Variants in ANKRD36 observed in about 807,000 individuals in gnomAD.
ANKRD36 encodes the protein ankyrin repeat domain 36.
ANKRD36 carries 179 observed loss-of-function variants against 278.1 expected under a neutral mutation model. That is an observed-to-expected ratio of 0.64 (90% CI 0.57 to 0.73). The LOEUF (loss-of-function observed/expected upper bound fraction) is 0.73, where lower values mean the gene tolerates loss of function less well. Ranked by LOEUF, ANKRD36 falls within the 30% of genes least tolerant of loss-of-function variation. The pLI is 0.00. For synonymous variants in ANKRD36, 320 were observed against 641.1 expected (o/e 0.50, Z 7.57); for missense variants, 1,159 against 1,956.7 (o/e 0.59, Z 7.69).
chr2:97,220,761 C>A (rs200929945), intron 66 of ANKRD36, among the ~76,000 whole-genome samples: 11 of 70,594 alleles, frequency 1.6e-4, no homozygotes, highest in East Asian at 9.4e-4. Flanking sequence ...TTTTAATTTT[C>A]TTTTTTTTTT....
At chr2:97,116,608 T>C (rs1444699684) in intron 1 of ANKRD36, among the ~76,000 whole-genome samples, 1 of 152,074 alleles carries the variant, frequency 6.6e-6, no homozygotes. Context: ...GTATCTTCTG[T>C]GAACTTTTAG....
chr2:97,222,955 A>G (rs2068178504), intron 66 of ANKRD36, among the ~76,000 whole-genome samples: 2 of 152,114 alleles, frequency 1.3e-5, no homozygotes, highest in South Asian at 4.2e-4. Context: ...AAAAAGTTAT[A>G]GCATTCATTC....
At chr2:97,203,181 A>AGAT (rs1203656409) in intron 48 of ANKRD36, among the ~76,000 whole-genome samples, 1 of 151,776 alleles carries the variant, frequency 6.6e-6, no homozygotes, top group Non-Finnish European at 1.5e-5. Flanking sequence ...TATTTCATGA[A>AGAT]ACTTCTTTAG....
In ANKRD36 at chr2:97,191,159, G is replaced by T; in HGVS notation, c.2325G>T (p.Lys775Asn). ...DSVSNIATEI[K>N]DGEKSGTVSS... The stretch of plus-strand genomic sequence containing the variant: ...TTTCGAACATAGCCACAGAAATAAA[G>T]GATGGAGAAAAATCTGGGACAGGTA... Residue 775 changes from lysine (K) to asparagine (N), a missense_variant, in exon 36 of 76, where the codon AAG becomes AAT. By Grantham distance (94) the Lys-to-Asn change is moderately conservative (BLOSUM62 0). Transcript: ENST00000420699. 3 of 1,596,762 alleles carry T rather than the reference G, an allele frequency of 1.9e-6. No homozygotes were observed. Among genetic ancestry groups the T allele is most frequent in the Non-Finnish European group, 2.6e-6 (3 of 1,171,346 alleles).
chr2:97,197,562 C>T (rs1258519649), intron 42 of ANKRD36, among the ~76,000 whole-genome samples: 2 of 151,864 alleles, frequency 1.3e-5, no homozygotes, highest in Admixed American at 6.6e-5. Flanking sequence ...TTGGATACAA[C>T]AGCTATTTCA....
intron 24 of ANKRD36, 53 bp from the exon 25 acceptor site, chr2:97,181,545 A>G: frequency 6.2e-7 from 1 of 1,600,586 alleles, no homozygotes; most frequent in South Asian, 1.1e-5. Context: ...GAATGTATGG[A>G]TAAATTTATC....
intron 6 of ANKRD36, among the ~76,000 whole-genome samples, chr2:97,138,764 G>T (rs2042157667): frequency 6.6e-6 from 1 of 151,516 alleles, no homozygotes; most frequent in Non-Finnish European, 1.5e-5. Flanking sequence ...CAGAACAGAG[G>T]CCTCAGAAAT....
chr2:97,166,245 A>C (rs2050618482), intron 20 of ANKRD36, among the ~76,000 whole-genome samples: 2 of 152,000 alleles, frequency 1.3e-5, no homozygotes, highest in Admixed American at 1.3e-4. Context: ...ATGTAAAATA[A>C]AGCCGTAAAG....
chr2:97,163,680 A>G (rs1162399645), intron 18 of ANKRD36: 1 of 187,004 alleles, frequency 5.3e-6, no homozygotes, highest in Non-Finnish European at 1.0e-5. Context: ...GGTTCACGCC[A>G]TTCTCCTGCT....
intron 12 of ANKRD36, among the ~76,000 whole-genome samples, chr2:97,151,176 C>T (rs951512854): frequency 1.1e-4 from 17 of 151,992 alleles, no homozygotes; most frequent in African/African-American, 3.6e-4. Context: ...CTAACTTTCT[C>T]CTTGCAGACC....
In ANKRD36 at chr2:97,211,621, A is replaced by G. The variant is rs767181757; in HGVS notation, c.3396+47A>G. The G allele has an allele frequency of 8.8e-5, 141 of 1,596,940 alleles. 1 individual carries two copies. Among genetic ancestry groups the G allele is most frequent in the Non-Finnish European group, 1.1e-4 (124 of 1,172,038 alleles). On this transcript the variant is annotated intron_variant, in intron 57 of 75. Coordinates refer to ENST00000420699, the MANE Select transcript of ANKRD36 (RefSeq NM_001354587.1). ...TTTTGAACTATTAACTGTATAGTAT[A>G]TGAAATATACTTTATTTATTGACTG...
At chr2:97,206,619 A>G (rs1468134682) in intron 52 of ANKRD36, among the ~76,000 whole-genome samples, 7 of 151,386 alleles carry the variant, frequency 4.6e-5, no homozygotes, top group East Asian at 1.9e-4. Context: ...TGTGAAAAGA[A>G]GAAGTCATTT....
chr2:97,210,217 C>T (rs867906848), intron 56 of ANKRD36, among the ~76,000 whole-genome samples: 16 of 151,814 alleles, frequency 1.1e-4, no homozygotes, highest in South Asian at 2.1e-4. Flanking sequence ...ATTTTACAGA[C>T]GTCACATCGT....
At chr2:97,204,390 T>C (rs1462228269) in intron 50 of ANKRD36, 127 bp downstream of exon 50, 1 of 1,231,918 alleles carries the variant, frequency 8.1e-7, no homozygotes, top group African/African-American at 1.6e-5. Flanking sequence ...AGATTCTTCA[T>C]TTCAAATAAG....
intron 22 of ANKRD36, among the ~76,000 whole-genome samples, chr2:97,179,254 G>T (rs576860916): frequency 1.3e-5 from 2 of 151,652 alleles, no homozygotes; most frequent in African/African-American, 4.8e-5. Context: ...TTCAACTAAA[G>T]TGTCATTATA....
chr2:97,174,690 C>A (rs2053708446), intron 22 of ANKRD36, among the ~76,000 whole-genome samples: 1 of 151,732 alleles, frequency 6.6e-6, no homozygotes, highest in African/African-American at 2.4e-5. Context: ...GAAAGGGCAT[C>A]CCTGTCTTGT....
chr2:97,228,967 T>C (rs1266987748), intron 67 of ANKRD36, among the ~76,000 whole-genome samples: 1 of 152,130 alleles, frequency 6.6e-6, no homozygotes, highest in African/African-American at 2.4e-5. Context: ...TTCTTAATCC[T>C]GAGTTCTAGT....
At chr2:97,191,310 T>C (rs1187076913) in intron 36 of ANKRD36, 129 bp downstream of exon 36, 14 of 1,148,646 alleles carry the variant, frequency 1.2e-5, no homozygotes, top group African/African-American at 3.1e-5. Flanking sequence ...GATTCTTCAT[T>C]TGCAGTAAGT....
intron 8 of ANKRD36, 55 bp downstream of exon 8, chr2:97,142,890 T>A: frequency 6.7e-7 from 1 of 1,500,258 alleles, no homozygotes; most frequent in Non-Finnish European, 8.9e-7. Context: ...AGAGAACTTC[T>A]GTTCACTGAA....
Sources: gnomAD v4.1 joint callset for allele counts (sites outside exome capture counted in the v4.1 genomes callset) on GRCh38, gnomAD v4.1.1 for gene constraint, MANE v1.5 for transcripts, NCBI Gene and HGNC (gene_info 2026-07-23, HGNC 2026-07-21) for gene names.